The following ITGA4 variants were observed in gnomAD, a reference collection of about 807,000 sequenced individuals.
ITGA4 encodes the protein integrin subunit alpha 4.
In ITGA4, 63 loss-of-function variants were observed where a neutral mutation model predicts 133.6. The observed-to-expected ratio is 0.47, with a 90% CI of 0.38 to 0.58. The LOEUF is 0.58. Ranked by LOEUF, ITGA4 falls within the 20% of genes least tolerant of loss-of-function variation. The probability of loss-of-function intolerance (pLI) is 0.00; values close to 1 mark genes in which losing one functional copy is unlikely to be tolerated. For synonymous variants in ITGA4, 483 were observed against 438.0 expected, an observed-to-expected ratio of 1.10 and a Z score of -1.28; for missense variants, 1,076 against 1,252.7, an observed-to-expected ratio of 0.86 and a Z score of 2.13.
Position 181,535,663 on chromosome 2 carries a change from A to G in ITGA4, c.*136A>G. On this transcript the variant is annotated 3_prime_UTR_variant, in exon 28 of 28. Coordinates refer to ENST00000397033, the MANE Select transcript of ITGA4 (RefSeq NM_000885.6). ...TGATCTTGTGACATATTATGTCTTCATGCAAGGGGAAAATCTCAGCAATGA... is the reference window on the plus strand; with the variant it reads ...TGATCTTGTGACATATTATGTCTTCGTGCAAGGGGAAAATCTCAGCAATGA... The G allele has an allele frequency of 8.9e-7, 1 of 1,119,682 alleles. No homozygotes were observed. Among genetic ancestry groups the G allele is most frequent in the Non-Finnish European group, 1.2e-6 (1 of 814,558 alleles). The allele number at this position is 1,119,682 out of a possible 1,614,324, so 69.4% of individuals were successfully genotyped here. A position where few individuals can be genotyped will look rare whatever the true frequency, so the allele number is the denominator to read the frequency against.
chr2:181,476,751 C>T (rs1459036697), intron 4 of ITGA4, among the ~76,000 whole-genome samples: 32 of 152,096 alleles, frequency 2.1e-4, no homozygotes. Flanking sequence ...GATAAAGAAA[C>T]TGTGATACAT....
At chr2:181,494,895 G>A (rs1480747242) in intron 12 of ITGA4, 83 bp downstream of exon 12, 23 of 735,308 alleles carry the variant, frequency 3.1e-5, no homozygotes, top group Non-Finnish European at 5.3e-5. Flanking sequence ...CGTAAAACTG[G>A]TATGAAAGAC....
chr2:181,464,330 A>T (rs779748953), intron 2 of ITGA4, among the ~76,000 whole-genome samples: 2 of 152,280 alleles, frequency 1.3e-5, no homozygotes, highest in Non-Finnish European at 2.9e-5. Flanking sequence ...GAGGGTTGAG[A>T]AGTGAGAAAC....
intron 14 of ITGA4, among the ~76,000 whole-genome samples, chr2:181,497,837 G>A (rs570087862): frequency 6.6e-6 from 1 of 151,706 alleles, no homozygotes; most frequent in South Asian, 2.1e-4. Flanking sequence ...TTCTTGGTAA[G>A]ATCTGGCTTG....
At chr2:181,466,318 C>A (rs1232488977) in intron 2 of ITGA4, among the ~76,000 whole-genome samples, 2 of 152,162 alleles carry the variant, frequency 1.3e-5, no homozygotes, top group East Asian at 3.9e-4. Context: ...GCTGAAATAA[C>A]TGGCTTTTTC....
intron 20 of ITGA4, 40 bp from the exon 21 acceptor site, chr2:181,525,162 T>C: frequency 2.6e-6 from 3 of 1,147,998 alleles, no homozygotes; most frequent in Non-Finnish European, 4.0e-6. Flanking sequence ...AAGATTTTTC[T>C]GCTTGGTGAA....
rs1685149215 is a variant in ITGA4, at chr2:181,457,486, C to G, written c.-169C>G. 2 of 627,642 alleles carry G rather than the reference C, an allele frequency of 3.2e-6. No homozygotes were observed. Among genetic ancestry groups the G allele is most frequent in the Non-Finnish European group, 5.3e-6 (2 of 378,536 alleles). The allele number at this position is 627,642 out of a possible 1,614,324, so 38.9% of individuals were successfully genotyped here. ...CAGGCCGGCCCGAACGCTCCGCCCG[C>G]GGTGGGCCGACTTCCCCTCCTCTTC... On this transcript the variant is annotated 5_prime_UTR_variant, in exon 1 of 28. Transcript: ENST00000397033.
intron 14 of ITGA4, among the ~76,000 whole-genome samples, chr2:181,496,633 G>T (rs1574397035): frequency 6.6e-6 from 1 of 152,052 alleles, no homozygotes; most frequent in African/African-American, 2.4e-5. Context: ...ATTGTGGTGG[G>T]GAATCCCAAA....
At chr2:181,513,110 T>A (rs1686537527) in intron 17 of ITGA4, among the ~76,000 whole-genome samples, 1 of 152,078 alleles carries the variant, frequency 6.6e-6, no homozygotes. Flanking sequence ...ATTTAGCCCT[T>A]TCTTTTCAGC....
chr2:181,505,064 A>G (rs1387587302), intron 15 of ITGA4, among the ~76,000 whole-genome samples: 2 of 151,914 alleles, frequency 1.3e-5, no homozygotes, highest in Admixed American at 6.6e-5. Flanking sequence ...AAATCTTCCT[A>G]TGTAAGAGCC....
At chr2:181,501,193 G>A (rs183135085) in intron 15 of ITGA4, among the ~76,000 whole-genome samples, 283 of 152,300 alleles carry the variant, frequency 1.9e-3, no homozygotes, top group African/African-American at 6.4e-3. Context: ...TCTGCAGTAA[G>A]GGCTGAGAAT....
intron 10 of ITGA4, among the ~76,000 whole-genome samples, chr2:181,486,635 A>G (rs1685925318): frequency 6.6e-6 from 1 of 152,198 alleles, no homozygotes; most frequent in South Asian, 2.1e-4. Flanking sequence ...GCATATTGCC[A>G]TGGATGTCAG....
chr2:181,457,649 G>C lies in ITGA4; in HGVS notation c.-6G>C, dbSNP rs1256470089. ...TTTAGTGTTGAATGTTCCCCACCGA[G>C]AGCGCATGGCTTGGGAAGCGAGGCG... On this transcript the variant is annotated 5_prime_UTR_variant, in exon 1 of 28. Coordinates refer to ENST00000397033, the MANE Select transcript of ITGA4 (RefSeq NM_000885.6). 1 of 1,608,606 alleles carries C rather than the reference G, an allele frequency of 6.2e-7. No homozygotes were observed. The highest frequency in any genetic ancestry group is 1.1e-5 in the South Asian group (1 of 90,112).
At chr2:181,520,543 T>C (rs961637374) in intron 17 of ITGA4, among the ~76,000 whole-genome samples, 1 of 152,006 alleles carries the variant, frequency 6.6e-6, no homozygotes, top group Non-Finnish European at 1.5e-5. Context: ...GGAGAAGGAC[T>C]TGAGACAGAT....
At chr2:181,476,362 GT>G (rs1685676423) in intron 4 of ITGA4, 1 of 152,074 alleles carries the variant, frequency 6.6e-6, no homozygotes, top group East Asian at 1.9e-4. Context: ...ATCTACAATT[GT>G]AAAATACAGG....
rs2105744711 is a variant in ITGA4 at position 181,494,705 on chromosome 2, A to G, written c.1249-17A>G. 7.1e-7 allele frequency: 1 copy of G among 1,410,664 alleles called. No homozygotes were observed. Among genetic ancestry groups the G allele is most frequent in the East Asian group, 2.3e-5 (1 of 43,862 alleles). The allele number at this position is 1,410,664 out of a possible 1,614,324, so 87.4% of individuals were successfully genotyped here. The stretch of plus-strand genomic sequence containing the variant: ...GTATTCAAAAACTACTTCCCACTCA[A>G]CTTTCCTATTTTTCAGAGAATTGAA... On this transcript the variant is annotated splice_polypyrimidine_tract_variant and intron_variant, in intron 11 of 27. Coordinates refer to ENST00000397033, the MANE Select transcript of ITGA4 (RefSeq NM_000885.6).
chr2:181,525,000 G>T (rs571061685), intron 20 of ITGA4, among the ~76,000 whole-genome samples: 2 of 150,862 alleles, frequency 1.3e-5, no homozygotes, highest in Non-Finnish European at 2.9e-5. Flanking sequence ...AGAAGCAAAT[G>T]ATAACAGTTT....
Position 181,531,675 on chromosome 2 carries a change from C to G in ITGA4, c.2683C>G (p.Pro895Ala). The change falls in exon 25 of 28, where the codon CCA becomes GCA. Residue 895 changes from proline to alanine, a missense_variant. By Grantham distance (27) the Pro-to-Ala change is conservative. Around this residue, in one of 4 missense-constraint regions of ITGA4, gnomAD observed 193 missense variants for 172.3 expected, o/e 1.12. Transcript: ENST00000397033. The part of the protein sequence containing the change: ...KRLLYCIKAD[P>A]HCLNFLCNFG... ...CTTCAAGTACTGCATAAAAGCTGAT[C>G]CACATTGTTTAAATTTCTTGTGTAA... 6.3e-7 allele frequency: 1 copy of G among 1,598,270 alleles called. No individual in the cohort carries two copies. Among genetic ancestry groups the G allele is most frequent in the Non-Finnish European group, 8.6e-7 (1 of 1,168,930 alleles).
intron 22 of ITGA4, 122 bp downstream of exon 22, chr2:181,527,509 A>G: frequency 1.5e-6 from 1 of 654,562 alleles, no homozygotes; most frequent in Non-Finnish European, 2.8e-6. Flanking sequence ...AGCTGGCTGG[A>G]ATGGGGCAGC....
Sources: gnomAD v4.1 joint callset for allele counts (sites outside exome capture counted in the v4.1 genomes callset) on GRCh38, gnomAD v4.1.1 for gene constraint, gnomAD v4.1.1 regional missense constraint, MANE v1.5 for transcripts, NCBI Gene and HGNC (gene_info 2026-07-23, HGNC 2026-07-21) for gene names.